ANPEP: variants seen among roughly 807,000 people sequenced by gnomAD.
ANPEP encodes the protein aminopeptidase N.
ANPEP carries 70 observed loss-of-function variants against 114.6 expected under a neutral mutation model. That is an observed-to-expected ratio of 0.61 (90% CI 0.50 to 0.75). The LOEUF is 0.75. ANPEP is among the 30% of genes least tolerant of loss of function. ANPEP has a pLI of 0.00. For synonymous variants in ANPEP, 548 were observed against 522.3 expected (o/e 1.05, Z -0.67); for missense variants, 1,184 against 1,259.5 (o/e 0.94, Z 0.91).
intron 12 of ANPEP, among the ~76,000 whole-genome samples, chr15:89,800,118 G>A (rs1894557160): frequency 6.6e-6 from 1 of 152,078 alleles, no homozygotes. Flanking sequence ...TGGGGCCCTT[G>A]GGGACCAGCT....
intron 20 of ANPEP, among the ~76,000 whole-genome samples, chr15:89,788,764 CTTAT>C (rs60279331): frequency 0.24 from 34,067 of 143,938 alleles, 4,100 homozygotes; most frequent in South Asian, 0.26. Flanking sequence ...CCATGCCCAG[CTTAT>C]TTATTTATTT....
At chr15:89,801,697 C>T (rs1041207056) in intron 10 of ANPEP, 90 bp from the exon 11 acceptor site, 17 of 1,460,488 alleles carry the variant, frequency 1.2e-5, no homozygotes, top group South Asian at 2.6e-5. Context: ...GCCTCGACCC[C>T]GGGGGGCCAC....
intron 18 of ANPEP, 123 bp from the exon 19 acceptor site, chr15:89,791,216 C>CT (rs777268404): frequency 4.2e-4 from 479 of 1,135,208 alleles, no homozygotes; most frequent in Non-Finnish European, 5.5e-4. Flanking sequence ...CTGCCAGGGG[C>CT]TGAGGGACCC....
chr15:89,809,905 C>A (rs971148175), intron 1 of ANPEP, among the ~76,000 whole-genome samples: 1 of 152,210 alleles, frequency 6.6e-6, no homozygotes, highest in Non-Finnish European at 1.5e-5. Context: ...CTTTTTCATA[C>A]CTCTGTGACT....
rs1894661219 is a variant in ANPEP at position 89,804,313 on chromosome 15, G to A, written c.1119C>T (p.Ser373=). Residue 373 remains serine, a synonymous_variant, in exon 6 of 21, where the codon TCC becomes TCT. Coordinates refer to ENST00000300060, the MANE Select transcript of ANPEP (RefSeq NM_001150.3). ...RENSLLFDPL[S]SSSSNKERVV... Reference sequence around the variant, plus strand: ...CCCGCTCCTTGTTGCTGCTGGAGGAGGACAGGGGGTCGAACAGCAGGGAGT... The same window carrying A: ...CCCGCTCCTTGTTGCTGCTGGAGGAAGACAGGGGGTCGAACAGCAGGGAGT... 1 of 1,614,064 alleles carries A rather than the reference G, an allele frequency of 6.2e-7. No homozygotes were observed. The highest frequency in any genetic ancestry group is 8.5e-7 in the Non-Finnish European group (1 of 1,180,036).
chr15:89,785,806 A>T (rs1968497352), intron 20 of ANPEP, among the ~76,000 whole-genome samples: 1 of 152,218 alleles, frequency 6.6e-6, no homozygotes, highest in Non-Finnish European at 1.5e-5. Flanking sequence ...CAACCAGCCA[A>T]ATCTAAAATG....
At chr15:89,786,179 A>T (rs1314994302) in intron 20 of ANPEP, among the ~76,000 whole-genome samples, 1 of 152,204 alleles carries the variant, frequency 6.6e-6, no homozygotes. Context: ...CAAGAATAAA[A>T]TATTTAGGAA....
At chr15:89,801,968 G>C (rs1014793404) in intron 10 of ANPEP, among the ~76,000 whole-genome samples, 1 of 152,072 alleles carries the variant, frequency 6.6e-6, no homozygotes, top group Non-Finnish European at 1.5e-5. Context: ...GTGTTCAGGT[G>C]TCACAGGCAG....
intron 1 of ANPEP, among the ~76,000 whole-genome samples, chr15:89,810,572 T>G (rs1319349181): frequency 6.7e-6 from 1 of 149,586 alleles, no homozygotes; most frequent in African/African-American, 2.5e-5. Context: ...AGACTCTGTT[T>G]CAAAAAAGAA....
Position 89,791,005 on chromosome 15 carries a change from G to T in ANPEP, c.2617C>A (p.Gln873Lys). 6.2e-7 allele frequency: 1 copy of T among 1,614,234 alleles called. No individual in the cohort carries two copies. The highest frequency in any genetic ancestry group is 8.5e-7 in the Non-Finnish European group (1 of 1,180,040). ...TGGACAAAGTCCCAGACCAGACCTT[G>T]CCCAATGACGTTGTTGGTAATGCTG... ...IISITNNVIG[Q>K]GLVWDFVQSN... Residue 873 changes from glutamine (Q) to lysine (K), a missense_variant, in exon 19 of 21, where the codon CAA becomes AAA. By Grantham distance (53) the Gln-to-Lys change is moderately conservative. Transcript: ENST00000300060.
Position 89,785,192 on chromosome 15 carries a change from C to T in ANPEP, c.*157G>A. 2.0e-6 allele frequency: 2 copies of T among 1,001,046 alleles called. No individual in the cohort carries two copies. The highest frequency in any genetic ancestry group is 3.2e-5 in the South Asian group (2 of 61,828). 62.0% of individuals were successfully genotyped at this position (1,001,046 alleles called of 1,614,324 possible). On this transcript the variant is annotated 3_prime_UTR_variant, in exon 21 of 21. Coordinates refer to ENST00000300060, the MANE Select transcript of ANPEP (RefSeq NM_001150.3). ...GCAGCCTGGGTCATCAGGAACTAGACTGGCTCACAGGCAGAGAGAACGTGG... is the reference window on the plus strand; with the variant it reads ...GCAGCCTGGGTCATCAGGAACTAGATTGGCTCACAGGCAGAGAGAACGTGG...
intron 4 of ANPEP, 116 bp downstream of exon 4, chr15:89,804,962 G>A: frequency 3.5e-6 from 5 of 1,423,394 alleles, no homozygotes; most frequent in Non-Finnish European, 4.9e-6. Context: ...TCACTCAGAG[G>A]TGGGATTCCA....
chr15:89,802,664 A>T (rs1258242281), intron 10 of ANPEP: 1 of 130,870 alleles, frequency 7.6e-6, no homozygotes, highest in East Asian at 2.1e-4. Flanking sequence ...CAGGATGGAG[A>T]GGAGGTGGAC....
chr15:89,790,916 G>T (rs1968609343), intron 19 of ANPEP, 37 bp downstream of exon 19: 1 of 1,606,106 alleles, frequency 6.2e-7, no homozygotes, highest in Middle Eastern at 1.7e-4. Context: ...CCCAGCCTCG[G>T]CGCTCGCTGT....
chr15:89,810,139 G>A (rs1894791809), intron 1 of ANPEP, among the ~76,000 whole-genome samples: 1 of 152,170 alleles, frequency 6.6e-6, no homozygotes. Flanking sequence ...CAGCACTTTA[G>A]GAGGCTGAGG....
In ANPEP at chr15:89,802,937, C is replaced by T. The variant is rs559752597; in HGVS notation, c.1569+302G>A. 8.5e-5 allele frequency among the ~76,000 whole-genome samples: 13 copies of T among 152,144 alleles called. No homozygotes were observed. In the South Asian group the frequency reaches 1.7e-3, roughly 19 times the overall value. Reference sequence around the variant, plus strand: ...CAGGCTCCAGAGTTCCAGGCAGAGGCGGGAACCATGAGGGCAGTTTCCTCA... The same window carrying T: ...CAGGCTCCAGAGTTCCAGGCAGAGGTGGGAACCATGAGGGCAGTTTCCTCA... On this transcript the variant is annotated intron_variant, in intron 10 of 20. Coordinates refer to ENST00000300060, the MANE Select transcript of ANPEP (RefSeq NM_001150.3).
chr15:89,794,862 T>G (rs28422990), intron 15 of ANPEP, among the ~76,000 whole-genome samples: 58,403 of 152,062 alleles, frequency 0.38, 12,808 homozygotes, highest in African/African-American at 0.61. Context: ...AAAACTGCCT[T>G]GTCTCGAGAG....
rs1168495785 is a variant in ANPEP at position 89,799,249 on chromosome 15, G to T, written c.2009+11C>A. On this transcript the variant is annotated intron_variant, in intron 14 of 20. Transcript: ENST00000300060. This position sits in a 1 kb window ranked among gnomAD's most constrained non-coding sequence, Gnocchi z 4.2. ...AGCTTCTGCAGCTGAGCCAGGCAGC[G>T]GAGCACTCACCTGGCCAGGTTGAAG... The T allele has an allele frequency of 6.2e-7, 1 of 1,614,102 alleles. No homozygotes were observed. The highest frequency in any genetic ancestry group is 8.5e-7 in the Non-Finnish European group (1 of 1,179,992).
At position 89,796,871 on chromosome 15, in the gene ANPEP, T is replaced by C. The variant is rs566050446; in HGVS notation, c.2157+704A>G. On this transcript the variant is annotated intron_variant, in intron 15 of 20. Coordinates refer to ENST00000300060, the MANE Select transcript of ANPEP (RefSeq NM_001150.3). ...AATGACTACATATCACACCCTGAAA[T>C]GGATATTCTACAGTTTAACCAATCT... 5.9e-5 allele frequency among the ~76,000 whole-genome samples: 9 copies of C among 152,288 alleles called. No homozygotes were observed. In the South Asian group the frequency reaches 1.0e-3, roughly 18 times the overall value.
Sources: allele counts gnomAD v4.1 joint callset (sites outside exome capture counted in the v4.1 genomes callset), GRCh38; gene constraint gnomAD v4.1.1; non-coding constraint Gnocchi (gnomAD v3.1); transcripts MANE v1.5; gene names NCBI Gene and HGNC (gene_info 2026-07-23, HGNC 2026-07-21).